The following RPGRIP1L variants were observed in gnomAD, a reference collection of about 807,000 sequenced individuals.
RPGRIP1L encodes the protein protein fantom.
A neutral mutation model predicts 160.4 loss-of-function variants in RPGRIP1L; 131 were observed. The observed-to-expected ratio is 0.82, with a 90% CI of 0.71 to 0.94. The LOEUF is 0.94. Ranked by LOEUF, RPGRIP1L falls within the 40% of genes least tolerant of loss-of-function variation. RPGRIP1L has a pLI of 0.00. For missense variants in RPGRIP1L, 1,522 were observed against 1,535.8 expected, an observed-to-expected ratio of 0.99 and a Z score of 0.15; for synonymous variants, 510 against 515.8, an observed-to-expected ratio of 0.99 and a Z score of 0.15.
intron 6 of RPGRIP1L, among the ~76,000 whole-genome samples, chr16:53,681,828 T>C (rs907943793): frequency 6.6e-6 from 1 of 152,214 alleles, no homozygotes; most frequent in African/African-American, 2.4e-5. Flanking sequence ...ACTCTGAAGA[T>C]TACAACTACG....
chr16:53,698,898 C>T (rs933640425), intron 2 of RPGRIP1L, among the ~76,000 whole-genome samples: 1 of 152,158 alleles, frequency 6.6e-6, no homozygotes, highest in Non-Finnish European at 1.5e-5. Context: ...TGCCCAACAG[C>T]TCATTGAGAA....
In RPGRIP1L at chr16:53,649,225, G is replaced by A. The variant is rs11859403; in HGVS notation, c.2153-110C>T. 1.4e-3 allele frequency: 1,165 copies of A among 852,596 alleles called. 13 individuals are homozygous for A. The African/African-American group carries it at 0.018, about 13-fold the overall frequency. The allele number at this position is 852,596 out of a possible 1,614,324, so 52.8% of individuals were successfully genotyped here. On this transcript the variant is annotated intron_variant, in intron 15 of 26. Transcript: ENST00000647211. ...ATTAAAACTATACATTTTATGCTGA[G>A]TAAAATAATATGACTTGCACAAATG...
At chr16:53,692,037 G>A in intron 4 of RPGRIP1L, 29 bp downstream of exon 4, 1 of 1,603,442 alleles carries the variant, frequency 6.2e-7, no homozygotes, top group Non-Finnish European at 8.5e-7. Flanking sequence ...TAAGACTTCA[G>A]TTTAGATTTA....
Position 53,658,792 on chromosome 16 carries a change from GTTTT to G in RPGRIP1L, c.1326_1329del (p.Lys442AsnfsTer3), listed in dbSNP as rs749987648. On this transcript the variant is annotated frameshift_variant, in exon 11 of 27. Coordinates refer to ENST00000647211, the MANE Select transcript of RPGRIP1L (RefSeq NM_015272.5). LOFTEE classifies it high-confidence loss of function. ...TTCACCTGGTTGTACAATTTTATGC[GTTTT>G]TTAAGTTCATCAAGTTGTTGCTTTT... 15 of 1,601,780 alleles carry G rather than the reference GTTTT, an allele frequency of 9.4e-6. No homozygotes were observed. In the Admixed American group the frequency reaches 1.2e-4, roughly 13 times the overall value.
chr16:53,640,100 A>G (rs72803639), intron 19 of RPGRIP1L, among the ~76,000 whole-genome samples: 2,006 of 152,324 alleles, frequency 0.013, 21 homozygotes, highest in Middle Eastern at 0.031. Flanking sequence ...TACAGCTGAC[A>G]CCTTTTGTGG....
chr16:53,688,007 A>C (rs769382020), intron 4 of RPGRIP1L, 42 bp from the exon 5 acceptor site: 1 of 1,169,962 alleles, frequency 8.5e-7, no homozygotes. Context: ...AATTGAAGTT[A>C]GAAAAGAAGG....
chr16:53,656,504 T>C lies in RPGRIP1L; in HGVS notation c.1667A>G (p.Asp556Gly), dbSNP rs1967267532. 2.5e-6 allele frequency: 4 copies of C among 1,613,654 alleles called. No individual in the cohort carries two copies. Among genetic ancestry groups the C allele is most frequent in the African/African-American group, 1.3e-5 (1 of 74,906 alleles). The change falls in exon 14 of 27, where the codon GAT becomes GGT. Residue 556 changes from aspartate to glycine, a missense_variant. Coordinates refer to ENST00000647211, the MANE Select transcript of RPGRIP1L (RefSeq NM_015272.5). ...TTTATGGATACGTGCAGCCCTGATA[T>C]CAAGAAGATGAACATACTGTTCCAC... ...LKVEQYVHLL[D>G]IRAARIHKLE...
chr16:53,604,307 C>T (rs1963542990), intron 26 of RPGRIP1L, among the ~76,000 whole-genome samples: 1 of 152,222 alleles, frequency 6.6e-6, no homozygotes, highest in South Asian at 2.1e-4. Flanking sequence ...TGAACCAGGG[C>T]TGAACTACAG....
At chr16:53,686,617 A>C in intron 5 of RPGRIP1L, 41 bp from the exon 6 acceptor site, 2 of 1,607,338 alleles carry the variant, frequency 1.2e-6, no homozygotes, top group Non-Finnish European at 8.5e-7. Flanking sequence ...AGTTTGAGGA[A>C]AATTTTTCAA....
At chr16:53,625,503 C>T (rs139310965) in intron 22 of RPGRIP1L, among the ~76,000 whole-genome samples, 6,944 of 146,786 alleles carry the variant, frequency 0.047, 305 homozygotes, top group East Asian at 0.29. Flanking sequence ...GCCCAGCGGC[C>T]GCCCCGTCTA....
intron 8 of RPGRIP1L, among the ~76,000 whole-genome samples, 161 bp downstream of exon 8, chr16:53,672,709 C>T (rs897751187): frequency 1.3e-5 from 2 of 152,108 alleles, no homozygotes; most frequent in Non-Finnish European, 1.5e-5. Flanking sequence ...ACTGATTTGC[C>T]ATTCATATAT....
At chr16:53,649,663 C>T (rs1966813432) in intron 15 of RPGRIP1L, among the ~76,000 whole-genome samples, 1 of 152,190 alleles carries the variant, frequency 6.6e-6, no homozygotes, top group Admixed American at 6.5e-5. Flanking sequence ...ACGATGTTTG[C>T]CCTGCACACC....
chr16:53,613,791 G>T (rs1308661770), intron 24 of RPGRIP1L, among the ~76,000 whole-genome samples: 2 of 152,066 alleles, frequency 1.3e-5, no homozygotes, highest in Non-Finnish European at 2.9e-5. Flanking sequence ...CTATTTATGT[G>T]CTAGGTACTA....
Position 53,600,211 on chromosome 16 carries a change from T to A in RPGRIP1L, c.*1865A>T, listed in dbSNP as rs1963320217. 2 of 152,624 alleles carry A rather than the reference T, an allele frequency of 1.3e-5. No homozygotes were observed. The highest frequency in any genetic ancestry group is 4.8e-5 in the African/African-American group (2 of 41,434). The allele number at this position is 152,624 out of a possible 1,614,324, so 9.5% of individuals were successfully genotyped here. On this transcript the variant is annotated 3_prime_UTR_variant, in exon 27 of 27. Transcript: ENST00000647211. Reference sequence around the variant, plus strand: ...AATCCCAGGGTATAATCTGGCTGTTTTAAATTACTGCAGGGAATATTATGG... The same window carrying A: ...AATCCCAGGGTATAATCTGGCTGTTATAAATTACTGCAGGGAATATTATGG...
At chr16:53,622,839 AC>A (rs1964826383) in intron 22 of RPGRIP1L, among the ~76,000 whole-genome samples, 2 of 151,340 alleles carry the variant, frequency 1.3e-5, no homozygotes, top group Non-Finnish European at 2.9e-5. Flanking sequence ...ACACACACAC[AC>A]ACACAAATAG....
At chr16:53,635,081 G>A (rs1965754128) in intron 22 of RPGRIP1L, among the ~76,000 whole-genome samples, 1 of 151,930 alleles carries the variant, frequency 6.6e-6, no homozygotes, top group South Asian at 2.1e-4. Context: ...TAGGTAATGA[G>A]AAAAAAATCC....
chr16:53,668,634 T>C lies in RPGRIP1L; in HGVS notation c.1103+2876A>G, dbSNP rs115360879. On this transcript the variant is annotated intron_variant, in intron 9 of 26. Transcript: ENST00000647211. Reference sequence around the variant, plus strand: ...TGCATACATTATAGTTTAGGAACCATTGCATTTATCAGTTACATGGCCCCA... The same window carrying C: ...TGCATACATTATAGTTTAGGAACCACTGCATTTATCAGTTACATGGCCCCA... Among the ~76,000 whole-genome samples, 880 of 152,268 alleles carry C rather than the reference T, an allele frequency of 5.8e-3. 8 individuals carry two copies. Among genetic ancestry groups the C allele is most frequent in the African/African-American group, 0.019 (772 of 41,558 alleles).
intron 4 of RPGRIP1L, among the ~76,000 whole-genome samples, chr16:53,689,214 C>A (rs1356699001): frequency 6.6e-6 from 1 of 151,946 alleles, no homozygotes; most frequent in Non-Finnish European, 1.5e-5. Context: ...TTTAGGATAT[C>A]CATCACCTTG....
intron 6 of RPGRIP1L, among the ~76,000 whole-genome samples, chr16:53,678,462 G>A (rs1445006295): frequency 6.2e-4 from 94 of 152,168 alleles, no homozygotes; most frequent in Non-Finnish European, 1.8e-4. Context: ...GCGGAGCTAT[G>A]TAATGTATAG....
Sources: allele counts gnomAD v4.1 joint callset (sites outside exome capture counted in the v4.1 genomes callset), GRCh38; gene constraint gnomAD v4.1.1; transcripts MANE v1.5; gene names NCBI Gene and HGNC (gene_info 2026-07-23, HGNC 2026-07-21).